Variants in TIAM1 observed in about 807,000 individuals in gnomAD.
TIAM1 encodes the protein rho guanine nucleotide exchange factor TIAM1.
In TIAM1, 65 loss-of-function variants were observed where a neutral mutation model predicts 163.5. That is an observed-to-expected ratio of 0.40 (90% CI 0.33 to 0.49). The LOEUF (loss-of-function observed/expected upper bound fraction) is 0.49, where lower values mean the gene tolerates loss of function less well. Ranked by LOEUF, TIAM1 falls within the 20% of genes least tolerant of loss-of-function variation. The probability of loss-of-function intolerance (pLI) is 0.77; values close to 1 mark genes in which losing one functional copy is unlikely to be tolerated. For missense variants in TIAM1, 1,789 were observed against 2,044.7 expected (o/e 0.87, Z 2.41); for synonymous variants, 833 against 810.1 (o/e 1.03, Z -0.48).
chr21:31,242,453 C>G (rs958851487), intron 6 of TIAM1, among the ~76,000 whole-genome samples: 7 of 152,122 alleles, frequency 4.6e-5, no homozygotes, highest in Admixed American at 2.0e-4. Context: ...GCCCAGGAGG[C>G]TGAGGCTGCA....
chr21:31,249,728 T>C (rs1489192597), intron 5 of TIAM1, among the ~76,000 whole-genome samples: 2 of 152,004 alleles, frequency 1.3e-5, no homozygotes, highest in African/African-American at 4.8e-5. Flanking sequence ...CCCTCAGACA[T>C]AACCCTGTAA....
At chr21:31,431,839 G>C (rs1179072885) in intron 2 of TIAM1, among the ~76,000 whole-genome samples, 3 of 152,120 alleles carry the variant, frequency 2.0e-5, no homozygotes. Flanking sequence ...GTCAAAATAT[G>C]AGATCACCGT....
Position 31,225,878 on chromosome 21 carries a change from G to A in TIAM1, c.1657C>T (p.His553Tyr), listed in dbSNP as rs775885108. The change falls in exon 7 of 28, where the codon CAC (histidine) becomes TAC (tyrosine). Residue 553 changes from histidine (H) to tyrosine (Y), a missense_variant. Around this residue, in one of 5 missense-constraint regions of TIAM1, gnomAD observed 456 missense variants for 586.6 expected, o/e 0.78. Transcript: ENST00000541036. The stretch of plus-strand genomic sequence containing the variant: ...CGGAGCGTGTCTTCCTTGTGGTGGT[G>A]CCTCGCGACCGCAGTGGCGCAGGCA... ...HSACATAVAR[H>Y]HHKEDTLRLL... 1.2e-6 allele frequency: 2 copies of A among 1,614,064 alleles called. No individual in the cohort carries two copies. The highest frequency in any genetic ancestry group is 1.7e-6 in the Non-Finnish European group (2 of 1,180,032).
At chr21:31,169,450 G>A (rs2084400148) in intron 15 of TIAM1, among the ~76,000 whole-genome samples, 1 of 152,056 alleles carries the variant, frequency 6.6e-6, no homozygotes, top group Non-Finnish European at 1.5e-5. Flanking sequence ...AGAGAAGACT[G>A]GAACATCTAT....
At chr21:31,310,011 C>G (rs2074864310) in intron 2 of TIAM1, among the ~76,000 whole-genome samples, 1 of 152,224 alleles carries the variant, frequency 6.6e-6, no homozygotes, top group African/African-American at 2.4e-5. Flanking sequence ...CAGCTAATGT[C>G]TTCCTAATAG....
At chr21:31,429,337 G>A (rs1185304019) in intron 2 of TIAM1, among the ~76,000 whole-genome samples, 1 of 152,058 alleles carries the variant, frequency 6.6e-6, no homozygotes, top group Non-Finnish European at 1.5e-5. Context: ...AAGTAAATTG[G>A]CAACATCTAA....
At position 31,377,698 on chromosome 21, in the gene TIAM1, TAGGCTACTA is replaced by T. The variant is rs540534464; in HGVS notation, c.-368-38285_-368-38277del. ...TCTAGCAGGTTTCTGTCTGCCATCC[TAGGCTACTA>T]AGGGTATTTAGACTTTGTACTGAAG... On this transcript the variant is annotated intron_variant, in intron 2 of 28. Coordinates refer to the TIAM1 transcript ENST00000286827. Among the ~76,000 whole-genome samples the T allele has an allele frequency of 3.4e-4, 52 of 152,302 alleles. No homozygotes were observed. In the South Asian group the frequency reaches 3.9e-3, roughly 12 times the overall value.
At chr21:31,322,063 A>G (rs1348090951) in intron 2 of TIAM1, among the ~76,000 whole-genome samples, 1 of 152,128 alleles carries the variant, frequency 6.6e-6, no homozygotes, top group African/African-American at 2.4e-5. Flanking sequence ...AAAAACAAAA[A>G]AACCAACTCA....
At chr21:31,366,181 C>A (rs1454667026) in intron 2 of TIAM1, among the ~76,000 whole-genome samples, 1 of 151,832 alleles carries the variant, frequency 6.6e-6, no homozygotes, top group Non-Finnish European at 1.5e-5. Context: ...GAATACTATG[C>A]CCTTGGCCCT....
Position 31,185,350 on chromosome 21 carries a change from AATC to A in TIAM1, c.2662+1648_2662+1650del, listed in dbSNP as rs533838940. ...ATCACAGATGAAATTGTAATAATAT[AATC>A]ATTGTAATTATATAATAATTGCACA... On this transcript the variant is annotated intron_variant, in intron 14 of 27. Coordinates refer to ENST00000541036, the MANE Select transcript of TIAM1 (RefSeq NM_001353694.2). Among the ~76,000 whole-genome samples the A allele has an allele frequency of 3.2e-3, 476 of 148,750 alleles. 1 individual carries two copies. The highest frequency in any genetic ancestry group is 0.011 in the African/African-American group (436 of 40,786).
chr21:31,303,786 T>C (rs2074591143), intron 2 of TIAM1, among the ~76,000 whole-genome samples: 1 of 152,098 alleles, frequency 6.6e-6, no homozygotes, highest in Non-Finnish European at 1.5e-5. Flanking sequence ...GAGACCAGCC[T>C]AGCCAACATA....
At chr21:31,231,954 G>A (rs2088463469) in intron 6 of TIAM1, among the ~76,000 whole-genome samples, 1 of 151,960 alleles carries the variant, frequency 6.6e-6, no homozygotes, top group Non-Finnish European at 1.5e-5. Context: ...GGAGGTTGTA[G>A]TGAGCTGAGA....
In TIAM1 at chr21:31,376,951, C is replaced by T. The variant is rs147604376; in HGVS notation, c.-368-37529G>A. 9.7e-3 allele frequency among the ~76,000 whole-genome samples: 1,466 copies of T among 151,740 alleles called. 17 individuals carry two copies. The highest frequency in any genetic ancestry group is 0.034 in the African/African-American group (1,389 of 41,366). Reference sequence around the variant, plus strand: ...TCAGCTCACTGCAACCTCTGCCTCCCGGGTTCAAGCAATTCTCCTGCCTTA... The same window carrying T: ...TCAGCTCACTGCAACCTCTGCCTCCTGGGTTCAAGCAATTCTCCTGCCTTA... On this transcript the variant is annotated intron_variant, in intron 2 of 28. Coordinates refer to the TIAM1 transcript ENST00000286827.
Position 31,478,841 on chromosome 21 carries a change from C to T in TIAM1, c.-421-14806G>A, listed in dbSNP as rs1017291856. Among the ~76,000 whole-genome samples the T allele has an allele frequency of 2.6e-5, 4 of 152,094 alleles. 1 individual carries two copies. The highest frequency in any genetic ancestry group is 2.0e-4 in the Admixed American group (3 of 15,268). On this transcript the variant is annotated intron_variant, in intron 1 of 28. Transcript: ENST00000286827. ...ATGGGGTGGAGGCAGCTAGCTGACA[C>T]CCCAAATGCGTGGCTTAAGTTGGAA... is the stretch of plus-strand genomic sequence containing the variant.
chr21:31,293,521 T>C (rs1415852969), intron 2 of TIAM1, among the ~76,000 whole-genome samples: 1 of 152,170 alleles, frequency 6.6e-6, no homozygotes, highest in Non-Finnish European at 1.5e-5. Flanking sequence ...AGTAATGCCA[T>C]CAATATTAGC....
chr21:31,185,376 ACAT>A (rs1328971062), intron 14 of TIAM1, among the ~76,000 whole-genome samples: 3 of 145,338 alleles, frequency 2.1e-5, no homozygotes, highest in East Asian at 2.0e-4. Context: ...TAATAATTGC[ACAT>A]CATAATTATA....
chr21:31,385,111 G>A (rs527534462), intron 2 of TIAM1, among the ~76,000 whole-genome samples: 16 of 152,222 alleles, frequency 1.1e-4, no homozygotes, highest in African/African-American at 3.9e-4. Context: ...GTTCAGGCTG[G>A]AGTGCAATGG....
chr21:31,525,032 G>A (rs936026113), intron 1 of TIAM1, among the ~76,000 whole-genome samples: 2 of 151,996 alleles, frequency 1.3e-5, no homozygotes, highest in African/African-American at 2.4e-5. Context: ...AAGGGGGAGC[G>A]AGCATGTCAC....
At chr21:31,464,534 G>A (rs1000051642) in intron 1 of TIAM1, among the ~76,000 whole-genome samples, 5 of 151,962 alleles carry the variant, frequency 3.3e-5, no homozygotes, top group Admixed American at 6.6e-5. Flanking sequence ...ACGGCAAAAC[G>A]CTGTCTCTAC....
Sources: gnomAD v4.1 joint callset for allele counts (sites outside exome capture counted in the v4.1 genomes callset) on GRCh38, gnomAD v4.1.1 for gene constraint, gnomAD v4.1.1 regional missense constraint, MANE v1.5 for transcripts, NCBI Gene and HGNC (gene_info 2026-07-23, HGNC 2026-07-21) for gene names.